Variants in TARS3 observed in about 807,000 individuals in gnomAD.
The protein encoded by TARS3 is threonyl-tRNA synthetase 3.
In TARS3, 94 loss-of-function variants were observed where a neutral mutation model predicts 103.5. That is an observed-to-expected ratio of 0.91 (90% CI 0.77 to 1.08). The LOEUF (loss-of-function observed/expected upper bound fraction) is 1.08, where lower values mean the gene tolerates loss of function less well. Among genes scored for constraint, TARS3 ranks in the 50% least tolerant of loss-of-function variants. The probability of loss-of-function intolerance (pLI) is 0.00; values close to 1 mark genes in which losing one functional copy is unlikely to be tolerated. For synonymous variants in TARS3, 416 were observed against 355.4 expected, an observed-to-expected ratio of 1.17 and a Z score of -1.92; for missense variants, 952 against 995.2, an observed-to-expected ratio of 0.96 and a Z score of 0.58.
At chr15:101,698,342 T>TA (rs1899085786) in intron 10 of TARS3, among the ~76,000 whole-genome samples, 1 of 148,862 alleles carries the variant, frequency 6.7e-6, no homozygotes, top group Admixed American at 6.7e-5. Context: ...CAAAGAAAAA[T>TA]AAAAAATAAA....
chr15:101,711,374 G>A (rs148925664), intron 5 of TARS3, among the ~76,000 whole-genome samples: 24 of 152,272 alleles, frequency 1.6e-4, no homozygotes, highest in South Asian at 4.1e-4. Flanking sequence ...ATCATCTTAT[G>A]CAATACAGTT....
intron 5 of TARS3, 84 bp downstream of exon 5, chr15:101,711,796 T>C: frequency 6.6e-7 from 1 of 1,509,394 alleles, no homozygotes; most frequent in South Asian, 1.3e-5. Context: ...GCCAGCAGTA[T>C]ACAGTTACTA....
intron 15 of TARS3, among the ~76,000 whole-genome samples, chr15:101,670,246 G>A (rs898486023): frequency 6.6e-5 from 10 of 152,094 alleles, no homozygotes; most frequent in African/African-American, 2.4e-4. Context: ...ACAGACCAGG[G>A]TAAAATATGT....
chr15:101,708,959 T>G, intron 5 of TARS3, 49 bp from the exon 6 acceptor site: 4 of 1,185,820 alleles, frequency 3.4e-6, no homozygotes, highest in African/African-American at 3.1e-5. Flanking sequence ...ACATTATGCA[T>G]TCCCTCTTTC....
At chr15:101,714,739 C>G (rs1450288380) in intron 4 of TARS3, 101 bp downstream of exon 4, 2 of 1,127,620 alleles carry the variant, frequency 1.8e-6, no homozygotes, top group African/African-American at 3.2e-5. Context: ...TAGAAACCCC[C>G]AAAAAACTCA....
chr15:101,708,280 A>C (rs1416852589), intron 6 of TARS3, among the ~76,000 whole-genome samples: 3 of 151,172 alleles, frequency 2.0e-5, no homozygotes, highest in East Asian at 3.9e-4. Flanking sequence ...AAAAAAAAAA[A>C]AAAAACCCAA....
chr15:101,695,368 T>C (rs1399249111), intron 10 of TARS3, among the ~76,000 whole-genome samples: 3 of 152,232 alleles, frequency 2.0e-5, no homozygotes, highest in African/African-American at 7.2e-5. Context: ...ATGCATTCTC[T>C]GACTTATCTG....
chr15:101,702,202 A>T (rs1567347124), intron 9 of TARS3, 37 bp downstream of exon 9: 2 of 1,605,862 alleles, frequency 1.2e-6, no homozygotes, highest in Non-Finnish European at 1.7e-6. Flanking sequence ...ATGTTGGCTT[A>T]TGATTACATC....
chr15:101,724,035 C>T, intron 1 of TARS3, 56 bp downstream of exon 1: 1 of 1,317,426 alleles, frequency 7.6e-7, no homozygotes, highest in Non-Finnish European at 9.7e-7. Context: ...TTTCGGTGCG[C>T]ACCGTCTCGG....
chr15:101,661,000 T>C (rs62027589), intron 16 of TARS3, among the ~76,000 whole-genome samples: 18,002 of 152,182 alleles, frequency 0.12, 1,360 homozygotes, highest in Non-Finnish European at 0.17. Context: ...TCTAATTAGT[T>C]CTAAATCTTT....
At chr15:101,705,171 C>A (rs917262878) in intron 7 of TARS3, among the ~76,000 whole-genome samples, 3 of 152,228 alleles carry the variant, frequency 2.0e-5, no homozygotes, top group African/African-American at 7.2e-5. Flanking sequence ...CTGGTATTAA[C>A]TTCACTTGTC....
chr15:101,718,178 G>A (rs1436513995), intron 3 of TARS3, among the ~76,000 whole-genome samples: 2 of 152,118 alleles, frequency 1.3e-5, no homozygotes, highest in Non-Finnish European at 2.9e-5. Flanking sequence ...AGACCAGCCT[G>A]ACTAACATGG....
chr15:101,659,079 C>A (rs1424033234), intron 16 of TARS3, among the ~76,000 whole-genome samples: 1 of 152,232 alleles, frequency 6.6e-6, no homozygotes, highest in African/African-American at 2.4e-5. Flanking sequence ...GCGTGAGCCA[C>A]CACATCCGGC....
intron 7 of TARS3, among the ~76,000 whole-genome samples, chr15:101,704,899 GA>G (rs894884692): frequency 6.6e-6 from 1 of 152,004 alleles, no homozygotes; most frequent in African/African-American, 2.4e-5. Context: ...GCACAAAGGG[GA>G]TATGATTTTA....
At chr15:101,679,857 A>C (rs1351896670) in intron 12 of TARS3, among the ~76,000 whole-genome samples, 1 of 152,224 alleles carries the variant, frequency 6.6e-6, no homozygotes, top group Non-Finnish European at 1.5e-5. Flanking sequence ...AAAGGAAGTA[A>C]GGGGAGAGGA....
At chr15:101,678,166 G>C (rs140635407) in intron 12 of TARS3, among the ~76,000 whole-genome samples, 11 of 151,796 alleles carry the variant, frequency 7.2e-5, no homozygotes, top group Non-Finnish European at 1.0e-4. Context: ...TTTTAGTAGA[G>C]ATGGGGTTTC....
intron 7 of TARS3, 116 bp from the exon 8 acceptor site, chr15:101,704,053 G>A: frequency 1.5e-6 from 1 of 654,974 alleles, no homozygotes; most frequent in Middle Eastern, 2.8e-4. Context: ...ATGTAGCAAT[G>A]CCATTTTTAA....
In TARS3 at chr15:101,663,195, T is replaced by A. The variant is rs535741624; in HGVS notation, c.1968-1379A>T. The stretch of plus-strand genomic sequence containing the variant: ...GAGATTATAAAGAAGCTGAAAAAAA[T>A]TTTTTTTTAAATTATACTTTAAGTT... On this transcript the variant is annotated intron_variant, in intron 15 of 18. Coordinates refer to ENST00000335968, the MANE Select transcript of TARS3 (RefSeq NM_152334.3). Among the ~76,000 whole-genome samples, 235 of 151,676 alleles carry A rather than the reference T, an allele frequency of 1.5e-3. 1 individual carries two copies. The highest frequency in any genetic ancestry group is 3.7e-3 in the Admixed American group (57 of 15,260).
intron 5 of TARS3, among the ~76,000 whole-genome samples, chr15:101,709,342 A>G (rs1899739928): frequency 6.6e-6 from 1 of 152,142 alleles, no homozygotes; most frequent in African/African-American, 2.4e-5. Context: ...TCCCAGCAGC[A>G]CTCAGCCTCC....
Sources: gnomAD v4.1 joint callset for allele counts (sites outside exome capture counted in the v4.1 genomes callset) on GRCh38, gnomAD v4.1.1 for gene constraint, MANE v1.5 for transcripts, NCBI Gene and HGNC (gene_info 2026-07-23, HGNC 2026-07-21) for gene names.